The following SHISA9 variants were observed in gnomAD, a reference collection of about 807,000 sequenced individuals.
The protein encoded by SHISA9 is shisa family member 9.
A neutral mutation model predicts 38.0 loss-of-function variants in SHISA9; 13 were observed. The observed-to-expected ratio is 0.34, with a 90% CI of 0.22 to 0.54. SHISA9 has a LOEUF of 0.54. SHISA9 is among the 20% of genes least tolerant of loss of function. The pLI, the probability that SHISA9 is intolerant of heterozygous loss-of-function variation, is 0.91. For synonymous variants in SHISA9, 275 were observed against 242.0 expected, an observed-to-expected ratio of 1.14 and a Z score of -1.27; for missense variants, 538 against 575.8, an observed-to-expected ratio of 0.93 and a Z score of 0.67.
the SHISA9 span, among the ~76,000 whole-genome samples, chr16:13,548,642 A>T: frequency 2.6e-5 from 4 of 152,006 alleles, no homozygotes; most frequent in East Asian, 5.8e-4. Flanking sequence ...GGAAATGCAA[A>T]TCAGAACCAC....
At chr16:13,177,860 G>C (rs1024782588) in intron 2 of SHISA9, among the ~76,000 whole-genome samples, 11 of 152,026 alleles carry the variant, frequency 7.2e-5, no homozygotes, top group African/African-American at 2.4e-4. Context: ...AGTACAGAAG[G>C]GGTTTCACCA....
At chr16:13,550,336 A>C in the SHISA9 span, among the ~76,000 whole-genome samples, 1 of 152,206 alleles carries the variant, frequency 6.6e-6, no homozygotes, top group Admixed American at 6.5e-5. Context: ...AAAGAAAGTT[A>C]AACTAGATGA....
chr16:12,984,515 C>T (rs1407111474), intron 2 of SHISA9, among the ~76,000 whole-genome samples: 1 of 152,158 alleles, frequency 6.6e-6, no homozygotes, highest in Non-Finnish European at 1.5e-5. Context: ...GGACACTTTC[C>T]TTAGATTAGA....
At chr16:13,204,810 T>G (rs748263530) in intron 3 of SHISA9, 1 of 152,156 alleles carries the variant, frequency 6.6e-6, no homozygotes, top group Non-Finnish European at 1.5e-5. Context: ...CTTGCCCAAG[T>G]CAAGCAGCAG....
the SHISA9 span, among the ~76,000 whole-genome samples, chr16:13,403,036 T>C: frequency 6.6e-6 from 1 of 151,834 alleles, no homozygotes; most frequent in African/African-American, 2.4e-5. Context: ...GAGAATCACT[T>C]GAGGTTGCAG....
At chr16:13,412,329 T>C in the SHISA9 span, among the ~76,000 whole-genome samples, 5 of 152,140 alleles carry the variant, frequency 3.3e-5, no homozygotes, top group African/African-American at 9.7e-5. Context: ...ATTTCCCCGA[T>C]GAAAATAGGG....
At chr16:13,289,450 G>A in the SHISA9 span, among the ~76,000 whole-genome samples, 1 of 151,972 alleles carries the variant, frequency 6.6e-6, no homozygotes, top group South Asian at 2.1e-4. Flanking sequence ...CTAGAAAGAA[G>A]TAACCAGGGA....
At position 13,107,214 on chromosome 16, in the gene SHISA9, C is replaced by T. The variant is rs893488863; in HGVS notation, c.692-96180C>T. 9.2e-5 allele frequency among the ~76,000 whole-genome samples: 14 copies of T among 151,846 alleles called. No homozygotes were observed. The East Asian group carries it at 1.9e-3, about 21-fold the overall frequency. ...TTGGGAGGCCGAGTGGGTAGATCAC[C>T]TGAGGTCAGTAGTTCAAGACCAGCC... On this transcript the variant is annotated intron_variant, in intron 2 of 4. Coordinates refer to ENST00000558583, the MANE Select transcript of SHISA9 (RefSeq NM_001145204.3).
intron 3 of SHISA9, among the ~76,000 whole-genome samples, chr16:13,210,481 G>A (rs2051108194): frequency 1.3e-5 from 2 of 152,258 alleles, no homozygotes; most frequent in East Asian, 1.9e-4. Flanking sequence ...CTATTTGACA[G>A]ATGATTGACA....
chr16:13,307,320 C>A, the SHISA9 span, among the ~76,000 whole-genome samples: 3 of 152,144 alleles, frequency 2.0e-5, no homozygotes, highest in Non-Finnish European at 2.9e-5. Context: ...ATGGTGTGGC[C>A]TTTCATGTAC....
chr16:13,242,865 G>C (rs748705137), downstream of SHISA9, among the ~76,000 whole-genome samples: 7 of 152,176 alleles, frequency 4.6e-5, no homozygotes, highest in Non-Finnish European at 5.9e-5. Flanking sequence ...TAACATTATA[G>C]TAACAAATTC....
At chr16:13,559,864 G>A in the SHISA9 span, among the ~76,000 whole-genome samples, 1 of 152,170 alleles carries the variant, frequency 6.6e-6, no homozygotes, top group Non-Finnish European at 1.5e-5. Flanking sequence ...AAGATGAAAA[G>A]GCAGACTGCA....
At chr16:13,367,696 G>A in the SHISA9 span, among the ~76,000 whole-genome samples, 2 of 66,284 alleles carry the variant, frequency 3.0e-5, no homozygotes, top group Middle Eastern at 6.0e-3. Flanking sequence ...ACGCGTGTGC[G>A]TGCGCGCGCG....
At chr16:13,264,861 TC>T in the SHISA9 span, among the ~76,000 whole-genome samples, 2 of 151,828 alleles carry the variant, frequency 1.3e-5, no homozygotes, top group African/African-American at 4.8e-5. Context: ...AAGTAATAAT[TC>T]CCTCTCCTTT....
At chr16:13,331,642 C>T in the SHISA9 span, 1 of 152,130 alleles carries the variant, frequency 6.6e-6, no homozygotes, top group Non-Finnish European at 1.5e-5. Context: ...CAAATATCCC[C>T]CTCCTTGGCT....
At chr16:13,462,676 A>T in the SHISA9 span, among the ~76,000 whole-genome samples, 1 of 152,020 alleles carries the variant, frequency 6.6e-6, no homozygotes, top group Non-Finnish European at 1.5e-5. Context: ...AATATAAAAA[A>T]GTTGGGCAGG....
At chr16:13,561,969 CTG>C in the SHISA9 span, among the ~76,000 whole-genome samples, 1 of 152,160 alleles carries the variant, frequency 6.6e-6, no homozygotes, top group Admixed American at 6.5e-5. Context: ...ATCATTGAGA[CTG>C]TGAGAGCTCT....
intron 2 of SHISA9, among the ~76,000 whole-genome samples, chr16:12,977,665 CA>C (rs904908284): frequency 7.2e-5 from 11 of 152,064 alleles, no homozygotes; most frequent in African/African-American, 2.7e-4. Context: ...ATGTCTTTTG[CA>C]GGGACATGGA....
At chr16:13,313,128 G>A in the SHISA9 span, among the ~76,000 whole-genome samples, 8 of 149,824 alleles carry the variant, frequency 5.3e-5, no homozygotes, top group East Asian at 1.2e-3. Context: ...AGTGGCGGGC[G>A]CCTGTAGTCC....
Sources: allele counts gnomAD v4.1 joint callset (sites outside exome capture counted in the v4.1 genomes callset), GRCh38; gene constraint gnomAD v4.1.1; transcripts MANE v1.5; gene names NCBI Gene and HGNC (gene_info 2026-07-23, HGNC 2026-07-21).